Variants in PIP5K1C observed in about 807,000 individuals in gnomAD.
PIP5K1C encodes phosphatidylinositol-4-phosphate 5-kinase type 1 gamma, also known as phosphatidylinositol 4-phosphate 5-kinase type-1 gamma.
A neutral mutation model predicts 80.1 loss-of-function variants in PIP5K1C; 45 were observed. That is an observed-to-expected ratio of 0.56 (90% CI 0.44 to 0.72). The LOEUF is 0.72. Ranked by LOEUF, PIP5K1C falls within the 30% of genes least tolerant of loss-of-function variation. The probability of loss-of-function intolerance (pLI) is 0.00; values close to 1 mark genes in which losing one functional copy is unlikely to be tolerated. For missense variants in PIP5K1C, 753 were observed against 954.6 expected, an observed-to-expected ratio of 0.79 and a Z score of 2.78; for synonymous variants, 498 against 420.1, an observed-to-expected ratio of 1.19 and a Z score of -2.27.
rs115136413 is a variant in PIP5K1C, at chr19:3,661,918, G to A, written c.303C>T (p.Asp101=). The change falls in exon 4 of 18, where the codon GAC becomes GAT. Residue 101 remains aspartate (D), a synonymous_variant. Coordinates refer to ENST00000335312, the MANE Select transcript of PIP5K1C (RefSeq NM_012398.3). ...VGHLSSKPER[D]VLMQDFYVVE... Reference sequence around the variant, plus strand: ...CCACGTAGAAGTCCTGCATGAGCACGTCGCGTTCGGGCTTGGAGCTCAGGT... The same window carrying A: ...CCACGTAGAAGTCCTGCATGAGCACATCGCGTTCGGGCTTGGAGCTCAGGT... 9,132 of 1,612,826 alleles carry A rather than the reference G, an allele frequency of 5.7e-3. 41 individuals carry two copies. Among genetic ancestry groups the A allele is most frequent in the Non-Finnish European group, 6.8e-3 (8,050 of 1,179,950 alleles).
intron 2 of PIP5K1C, among the ~76,000 whole-genome samples, 171 bp from the exon 3 acceptor site, chr19:3,665,085 G>T (rs1432467052): frequency 6.6e-6 from 1 of 152,192 alleles, no homozygotes; most frequent in Admixed American, 6.5e-5. Context: ...CCTCACCCGT[G>T]GGCGCCTGGC....
At chr19:3,650,838 C>T (rs766577418) in intron 8 of PIP5K1C, among the ~76,000 whole-genome samples, 13 of 152,120 alleles carry the variant, frequency 8.5e-5, no homozygotes, top group Non-Finnish European at 1.6e-4. Flanking sequence ...CTCACTGCAA[C>T]CTCCACCTCC....
At chr19:3,698,494 TCA>T (rs2036195458) in intron 1 of PIP5K1C, among the ~76,000 whole-genome samples, 1 of 152,162 alleles carries the variant, frequency 6.6e-6, no homozygotes, top group South Asian at 2.1e-4. Flanking sequence ...AGCAAGCAGT[TCA>T]CAGAGTCATA....
chr19:3,643,882 C>G (rs941119108), intron 12 of PIP5K1C, among the ~76,000 whole-genome samples: 1 of 152,126 alleles, frequency 6.6e-6, no homozygotes, highest in Admixed American at 6.5e-5. Flanking sequence ...ACCACCCCAC[C>G]TGGTGGAGCC....
Position 3,639,777 on chromosome 19 carries a change from C to T in PIP5K1C, c.1788-761G>A, listed in dbSNP as rs112670776. Among the ~76,000 whole-genome samples the T allele has an allele frequency of 4.6e-3, 694 of 152,230 alleles. 8 individuals carry two copies. Among genetic ancestry groups the T allele is most frequent in the African/African-American group, 0.016 (671 of 41,528 alleles). ...CTTACTACATGCCAGGGCTGGCTCC[C>T]GTGATTAACCCACTGAGTCTATCAT... is the stretch of plus-strand genomic sequence containing the variant. On this transcript the variant is annotated intron_variant, in intron 15 of 17. Coordinates refer to ENST00000335312, the MANE Select transcript of PIP5K1C (RefSeq NM_012398.3).
chr19:3,696,331 C>T lies in PIP5K1C; in HGVS notation c.94+3966G>A, dbSNP rs370135372. Among the ~76,000 whole-genome samples, 33 of 152,334 alleles carry T rather than the reference C, an allele frequency of 2.2e-4. 1 individual carries two copies. The East Asian group carries it at 4.3e-3, about 20-fold the overall frequency. ...GAGCTCTTCCGGGCGCAGGGGATGC[C>T]GCAGGAGTGGCACAGACGGTCTTGG... is the stretch of plus-strand genomic sequence containing the variant. On this transcript the variant is annotated intron_variant, in intron 1 of 17. Transcript: ENST00000335312. The surrounding 1 kb of genome is among the most constrained non-coding windows in gnomAD (Gnocchi z 4.1).
chr19:3,698,945 C>T (rs538243), intron 1 of PIP5K1C, among the ~76,000 whole-genome samples: 1 of 148,468 alleles, frequency 6.7e-6, no homozygotes, highest in African/African-American at 2.5e-5. Context: ...CCACCCCCAC[C>T]CCCCCACTCC....
Position 3,688,676 on chromosome 19 carries a change from C to G in PIP5K1C, c.94+11621G>C, listed in dbSNP as rs1400187250. Among the ~76,000 whole-genome samples the G allele has an allele frequency of 6.6e-6, 1 of 152,110 alleles. No individual in the cohort carries two copies. Among genetic ancestry groups the G allele is most frequent in the Admixed American group, 6.5e-5 (1 of 15,270 alleles). ...CCTCAGGGCTAGAGACCCGGATGAG[C>G]CCCATGGAGAAACCCGTAGTGAGAG... On this transcript the variant is annotated intron_variant, in intron 1 of 17. Transcript: ENST00000335312. This position sits in a 1 kb window ranked among gnomAD's most constrained non-coding sequence, Gnocchi z 5.3.
chr19:3,635,303 T>C (rs549991948), intron 16 of PIP5K1C, among the ~76,000 whole-genome samples: 31 of 152,288 alleles, frequency 2.0e-4, no homozygotes, highest in African/African-American at 7.5e-4. Flanking sequence ...TCCCAGCACT[T>C]TGGGAGGCCA....
At position 3,642,928 on chromosome 19, in the gene PIP5K1C, T is replaced by C. The variant is rs2145402368; in HGVS notation, c.1661A>G (p.Gln554Arg). ...TCACCTGCCATCCTGTCCAGACGAC[T>C]GTGTGCGCCGCCTGCAGAGATACAG... ...SEQPRYRRRT[Q>R]SSGQDGRPQE... Residue 554 changes from glutamine to arginine, a missense_variant, in exon 14 of 18, where the codon CAG (glutamine) becomes CGG (arginine). Transcript: ENST00000335312. The C allele has an allele frequency of 1.2e-6, 2 of 1,613,534 alleles. No homozygotes were observed. The highest frequency in any genetic ancestry group is 8.5e-7 in the Non-Finnish European group (1 of 1,179,850).
chr19:3,649,963 C>G (rs1489174280), intron 8 of PIP5K1C: 1 of 236,260 alleles, frequency 4.2e-6, no homozygotes, highest in African/African-American at 2.4e-5. Flanking sequence ...GCGCCCTGCA[C>G]GCTCTGCTCA....
intron 11 of PIP5K1C, among the ~76,000 whole-genome samples, chr19:3,645,458 G>A (rs2034172311): frequency 6.6e-6 from 1 of 152,216 alleles, no homozygotes; most frequent in Non-Finnish European, 1.5e-5. Context: ...CCTCCCCCGG[G>A]CACCCTGTGG....
rs768744439 is a variant in PIP5K1C at position 3,633,105 on chromosome 19, C to A, written c.*62G>T. On this transcript the variant is annotated 3_prime_UTR_variant, in exon 18 of 18. Coordinates refer to ENST00000335312, the MANE Select transcript of PIP5K1C (RefSeq NM_012398.3). ...CTCTGGGCCTCAGCGGGGTGGGCAG[C>A]GCCTTCGGGGGCAGCCGGAGCAGAA... is the stretch of plus-strand genomic sequence containing the variant. The A allele has an allele frequency of 2.7e-6, 2 of 730,564 alleles. No homozygotes were observed. The highest frequency in any genetic ancestry group is 5.1e-6 in the Non-Finnish European group (2 of 393,268). The allele number at this position is 730,564 out of a possible 1,614,324, so 45.3% of individuals were successfully genotyped here. A position where few individuals can be genotyped will look rare whatever the true frequency, so the allele number is the denominator to read the frequency against.
intron 12 of PIP5K1C, among the ~76,000 whole-genome samples, chr19:3,643,838 A>G (rs2034089853): frequency 6.6e-6 from 1 of 151,978 alleles, no homozygotes; most frequent in Admixed American, 6.6e-5. Flanking sequence ...TGCACCTCAG[A>G]TGACAGTGGC....
Position 3,686,112 on chromosome 19 carries a change from C to T in PIP5K1C, c.94+14185G>A, listed in dbSNP as rs916030156. 1.1e-4 allele frequency among the ~76,000 whole-genome samples: 17 copies of T among 152,114 alleles called. 1 individual carries two copies. Among genetic ancestry groups the T allele is most frequent in the South Asian group, 2.1e-4 (1 of 4,820 alleles). ...AACTGATCCTCCTACCCTGGCCTCC[C>T]GAAGCACTGGGATTACAGGCGTGAG... On this transcript the variant is annotated intron_variant, in intron 1 of 17. Transcript: ENST00000335312.
intron 1 of PIP5K1C, among the ~76,000 whole-genome samples, chr19:3,685,045 A>G (rs2035711141): frequency 6.6e-6 from 1 of 152,234 alleles, no homozygotes; most frequent in Admixed American, 6.5e-5. Context: ...GGCTTTTCTC[A>G]AAGCATTAAC....
At chr19:3,657,966 T>G (rs2034694390) in intron 5 of PIP5K1C, among the ~76,000 whole-genome samples, 1 of 151,906 alleles carries the variant, frequency 6.6e-6, no homozygotes, top group South Asian at 2.1e-4. Context: ...GGAACCACCT[T>G]TGGAAAATGC....
rs538791579 is a variant in PIP5K1C, at chr19:3,674,927, G to A, written c.95-7574C>T. ...ATTATTCAGCCATGAAAAGGAGTGAGGCTCTGACGCAGGCCACAGCACGGA... is the reference window on the plus strand; with the variant it reads ...ATTATTCAGCCATGAAAAGGAGTGAAGCTCTGACGCAGGCCACAGCACGGA... On this transcript the variant is annotated intron_variant, in intron 1 of 17. Transcript: ENST00000335312. Among the ~76,000 whole-genome samples, 5 of 152,328 alleles carry A rather than the reference G, an allele frequency of 3.3e-5. No individual in the cohort carries two copies. The South Asian group carries it at 1.0e-3, about 32-fold the overall frequency.
Position 3,652,082 on chromosome 19 carries a change from C to G in PIP5K1C, c.922-51G>C, listed in dbSNP as rs529726831. The G allele has an allele frequency of 4.5e-5, 71 of 1,573,560 alleles. 1 individual carries two copies. The African/African-American group carries it at 8.4e-4, about 19-fold the overall frequency. On this transcript the variant is annotated intron_variant, in intron 7 of 17. Transcript: ENST00000335312. The stretch of plus-strand genomic sequence containing the variant: ...CACGCCGTCAGCCGTCTCTATCCCC[C>G]ACAACGGCTCCCGGACCCTATGGGG...
Sources: allele counts gnomAD v4.1 joint callset (sites outside exome capture counted in the v4.1 genomes callset), GRCh38; gene constraint gnomAD v4.1.1; non-coding constraint Gnocchi (gnomAD v3.1); transcripts MANE v1.5; gene names NCBI Gene and HGNC (gene_info 2026-07-23, HGNC 2026-07-21).